The following EIF2B3 variants were observed in gnomAD, a reference collection of about 807,000 sequenced individuals.
EIF2B3 encodes eukaryotic translation initiation factor 2B subunit gamma.
A neutral mutation model predicts 54.1 loss-of-function variants in EIF2B3; 20 were observed. That is an observed-to-expected ratio of 0.37 (90% confidence interval 0.26 to 0.54). The LOEUF (loss-of-function observed/expected upper bound fraction) is 0.54. EIF2B3 is among the 20% of genes least tolerant of loss of function. The probability of loss-of-function intolerance (pLI) is 0.86; values close to 1 mark genes in which losing one functional copy is unlikely to be tolerated. For synonymous variants in EIF2B3, 153 were observed against 188.1 expected, an observed-to-expected ratio of 0.81 and a Z score of 1.52; for missense variants, 448 against 547.8, an observed-to-expected ratio of 0.82 and a Z score of 1.82.
intron 4 of EIF2B3, among the ~76,000 whole-genome samples, chr1:44,938,997 A>G (rs1643988820): frequency 1.4e-5 from 2 of 145,702 alleles, no homozygotes; most frequent in African/African-American, 5.0e-5. Flanking sequence ...GTTACTCGGG[A>G]GGCTGAGGTG....
At chr1:44,851,626 G>A (rs1386438912) in intron 11 of EIF2B3, among the ~76,000 whole-genome samples, 2 of 152,298 alleles carry the variant, frequency 1.3e-5, no homozygotes, top group Non-Finnish European at 1.5e-5. Flanking sequence ...CAAAGACAGT[G>A]AGATGGGAGA....
intron 6 of EIF2B3, among the ~76,000 whole-genome samples, chr1:44,887,741 T>C (rs1422058896): frequency 6.6e-6 from 1 of 152,102 alleles, no homozygotes; most frequent in African/African-American, 2.4e-5. Context: ...ACCATCTCTA[T>C]TAAAAGTACA....
At chr1:44,878,023 C>T (rs962469339) in intron 8 of EIF2B3, among the ~76,000 whole-genome samples, 1 of 152,194 alleles carries the variant, frequency 6.6e-6, no homozygotes, top group East Asian at 1.9e-4. Flanking sequence ...GTGGACACAG[C>T]GGTGCACCTG....
At position 44,850,879 on chromosome 1, in the gene EIF2B3, A is replaced by G; in HGVS notation, c.*72T>C. The G allele has an allele frequency of 1.3e-6, 2 of 1,527,584 alleles. No homozygotes were observed. Among genetic ancestry groups the G allele is most frequent in the Non-Finnish European group, 1.8e-6 (2 of 1,101,482 alleles). 94.6% of individuals were successfully genotyped at this position (1,527,584 alleles called of 1,614,324 possible). On this transcript the variant is annotated 3_prime_UTR_variant, in exon 12 of 12. Transcript: ENST00000360403. ...CTTCTTTATTGGGAAATAAATACAG[A>G]GTTAAACAGGTGGGCCGGCCAACAT...
intron 10 of EIF2B3, among the ~76,000 whole-genome samples, chr1:44,869,764 C>A (rs985750802): frequency 1.3e-5 from 2 of 151,780 alleles, no homozygotes; most frequent in East Asian, 2.0e-4. Flanking sequence ...CCACGCCTGG[C>A]TAATTTGGCC....
intron 10 of EIF2B3, among the ~76,000 whole-genome samples, chr1:44,870,492 A>C (rs1301352338): frequency 6.6e-6 from 1 of 152,070 alleles, no homozygotes; most frequent in East Asian, 1.9e-4. Flanking sequence ...CTTCTTGCTC[A>C]TTCCTTGTCA....
chr1:44,884,867 T>C (rs1655524418), intron 6 of EIF2B3, among the ~76,000 whole-genome samples: 1 of 152,098 alleles, frequency 6.6e-6, no homozygotes, highest in Admixed American at 6.5e-5. Context: ...TTCGAGAGGA[T>C]CCATGATTTG....
At chr1:44,897,771 T>C (rs984489082) in intron 5 of EIF2B3, among the ~76,000 whole-genome samples, 1 of 151,356 alleles carries the variant, frequency 6.6e-6, no homozygotes, top group East Asian at 1.9e-4. Flanking sequence ...CAGTCTTGCT[T>C]TGTTGCCTAG....
At chr1:44,897,147 A>G (rs1156998858) in intron 6 of EIF2B3, among the ~76,000 whole-genome samples, 1 of 152,258 alleles carries the variant, frequency 6.6e-6, no homozygotes, top group East Asian at 1.9e-4. Context: ...ACACGCTGCA[A>G]AAATATAAGC....
intron 4 of EIF2B3, among the ~76,000 whole-genome samples, chr1:44,932,025 T>C (rs890816373): frequency 1.3e-5 from 2 of 152,086 alleles, no homozygotes; most frequent in South Asian, 2.1e-4. Flanking sequence ...AGCAGGAGAA[T>C]TGCTTGAACC....
intron 3 of EIF2B3, among the ~76,000 whole-genome samples, chr1:44,971,132 C>T (rs993933471): frequency 6.6e-6 from 1 of 152,106 alleles, no homozygotes; most frequent in East Asian, 1.9e-4. Context: ...GCCTATAATC[C>T]CAGCACTTTG....
At chr1:44,919,723 T>C (rs1643698204) in intron 5 of EIF2B3, among the ~76,000 whole-genome samples, 1 of 147,614 alleles carries the variant, frequency 6.8e-6, no homozygotes, top group South Asian at 2.2e-4. Context: ...TCCTTTTTTT[T>C]TTTTTTTTTT....
Position 44,874,740 on chromosome 1 carries a change from G to A in EIF2B3, c.1140C>T (p.Leu380=). Residue 380 remains leucine, a synonymous_variant, in exon 10 of 12, where the codon CTC becomes CTT. Coordinates refer to ENST00000360403, the MANE Select transcript of EIF2B3 (RefSeq NM_020365.5). The stretch of plus-strand genomic sequence containing the variant: ...TGGTAATAGTCACTCTATCTTTTAT[G>A]AGACAGGATGAGCCAATGACTGAGC... The part of the protein sequence containing the change: ...IKRSVIGSSC[L]IKDRVTITNC... 6.2e-7 allele frequency: 1 copy of A among 1,614,132 alleles called. No individual in the cohort carries two copies. Among genetic ancestry groups the A allele is most frequent in the Non-Finnish European group, 8.5e-7 (1 of 1,180,030 alleles).
chr1:44,948,379 A>C (rs1162020914), intron 3 of EIF2B3, among the ~76,000 whole-genome samples: 1 of 152,090 alleles, frequency 6.6e-6, no homozygotes, highest in African/African-American at 2.4e-5. Context: ...TTCAGGTCTC[A>C]AAATCTTCTT....
intron 5 of EIF2B3, among the ~76,000 whole-genome samples, chr1:44,919,434 G>C (rs965285052): frequency 6.6e-6 from 1 of 151,818 alleles, no homozygotes; most frequent in African/African-American, 2.4e-5. Context: ...GTTTGCCTTG[G>C]TGTGAATAAT....
chr1:44,974,249 G>A (rs1644430688), intron 3 of EIF2B3, among the ~76,000 whole-genome samples: 1 of 151,422 alleles, frequency 6.6e-6, no homozygotes, highest in African/African-American at 2.4e-5. Flanking sequence ...CAAGGTTGGG[G>A]GTATCACTTC....
In EIF2B3 at chr1:44,949,386, T is replaced by G. The variant is rs968616475; in HGVS notation, c.295-7721A>C. Among the ~76,000 whole-genome samples the G allele has an allele frequency of 1.5e-4, 23 of 152,334 alleles. No homozygotes were observed. The South Asian group carries it at 1.7e-3, about 11-fold the overall frequency. Reference sequence around the variant, plus strand: ...ACATATATATTTTTTCCATCTAGACTTTGAGCTCCATAAGGAGCCCTTTTA... The same window carrying G: ...ACATATATATTTTTTCCATCTAGACGTTGAGCTCCATAAGGAGCCCTTTTA... On this transcript the variant is annotated intron_variant, in intron 3 of 11. Transcript: ENST00000360403.
intron 3 of EIF2B3, among the ~76,000 whole-genome samples, chr1:44,967,961 C>T (rs1407625407): frequency 6.6e-6 from 1 of 152,038 alleles, no homozygotes; most frequent in African/African-American, 2.4e-5. Context: ...TCGCTTGAAC[C>T]TGGGAGGTGG....
intron 5 of EIF2B3, among the ~76,000 whole-genome samples, chr1:44,913,653 C>T (rs778497136): frequency 1.3e-5 from 2 of 151,976 alleles, no homozygotes; most frequent in African/African-American, 2.4e-5. Context: ...TACAGGCACG[C>T]GTCACCATGC....
Sources: allele counts gnomAD v4.1 joint callset (sites outside exome capture counted in the v4.1 genomes callset), GRCh38; gene constraint gnomAD v4.1.1; transcripts MANE v1.5; gene names NCBI Gene and HGNC (gene_info 2026-07-23, HGNC 2026-07-21).